Variants in FAM153A observed in about 807,000 individuals in gnomAD.
FAM153A encodes the protein protein FAM153A.
FAM153A carries 12 observed loss-of-function variants against 48.1 expected under a neutral mutation model. The observed-to-expected ratio is 0.25, with a 90% confidence interval of 0.16 to 0.40. The LOEUF (loss-of-function observed/expected upper bound fraction) is 0.40, where lower values mean the gene tolerates loss of function less well. FAM153A is among the 10% of genes least tolerant of loss of function. The probability of loss-of-function intolerance (pLI) is 1.00; values close to 1 mark genes in which losing one functional copy is unlikely to be tolerated. For missense variants in FAM153A, 111 were observed against 345.8 expected (o/e 0.32, Z 5.38); for synonymous variants, 36 against 118.2 (o/e 0.30, Z 4.51).
upstream of FAM153A, among the ~76,000 whole-genome samples, chr5:177,754,903 A>C (rs1223613927): frequency 6.6e-6 from 1 of 151,832 alleles, no homozygotes; most frequent in African/African-American, 2.4e-5. Context: ...AGAGCAGAAA[A>C]ACTCAAAATT....
At position 177,750,168 on chromosome 5, in the gene FAM153A, T is replaced by G. The variant is rs1337545956; in HGVS notation, c.175+741A>C. The G allele has an allele frequency of 2.0e-5, 3 of 151,866 alleles. 1 individual carries two copies. Among genetic ancestry groups the G allele is most frequent in the African/African-American group, 7.3e-5 (3 of 41,044 alleles). 9.4% of individuals were successfully genotyped at this position (151,866 alleles called of 1,614,324 possible). A position where few individuals can be genotyped will look rare whatever the true frequency, so the allele number is the denominator to read the frequency against. On this transcript the variant is annotated intron_variant, in intron 2 of 20. Coordinates refer to ENST00000614127, the Ensembl canonical transcript of FAM153A. ...TAGCTACATACTCTATGATTCCAAC[T>G]CTATAAAATTCTGGAAAAGGAAACC...
rs1358196600 is a variant in FAM153A at position 177,725,972 on chromosome 5, CTG to C, written c.965-1153_965-1152del. On this transcript the variant is annotated intron_variant, in intron 18 of 20. Transcript: ENST00000614127. ...ATTGGGTGAGGAGTGGAGGCCAAAA[CTG>C]TGCTCAATCATGTGTTCTGCCCTCA... 4.0e-5 allele frequency among the ~76,000 whole-genome samples: 6 copies of C among 150,422 alleles called. No individual in the cohort carries two copies. In the East Asian group the frequency reaches 5.9e-4, roughly 15 times the overall value.
intron 4 of FAM153A, among the ~76,000 whole-genome samples, chr5:177,746,404 C>CCAGG (rs1414131368): frequency 2.0e-5 from 3 of 147,170 alleles, no homozygotes; most frequent in African/African-American, 7.7e-5. Context: ...GGTAATCCAC[C>CCAGG]CTCCTTGGCC....
intron 16 of FAM153A, 146 bp from the exon 19 acceptor site, chr5:177,729,701 G>A: frequency 3.4e-6 from 5 of 1,469,212 alleles, no homozygotes; most frequent in South Asian, 2.6e-5. Flanking sequence ...CTCCGTGGTG[G>A]AGAGGGAAGG....
chr5:177,743,612 G>C (rs1460433487), intron 6 of FAM153A, among the ~76,000 whole-genome samples: 1 of 100,748 alleles, frequency 9.9e-6, no homozygotes, highest in Non-Finnish European at 2.0e-5. Flanking sequence ...AGCAGAACTC[G>C]CTGTAGCATG....
chr5:177,741,424 G>A lies in FAM153A; in HGVS notation c.365-92C>T. Reference sequence around the variant, plus strand: ...TGCTAAAAACACGGGGCTGGCACATGTAGACAAGGGGGGTTAACTACAAAA... The same window carrying A: ...TGCTAAAAACACGGGGCTGGCACATATAGACAAGGGGGGTTAACTACAAAA... On this transcript the variant is annotated intron_variant, in intron 6 of 20. Transcript: ENST00000614127. The A allele has an allele frequency of 3.6e-6, 3 of 828,066 alleles. 1 individual carries two copies. Among genetic ancestry groups the A allele is most frequent in the Non-Finnish European group, 4.9e-6 (3 of 608,078 alleles). The allele number at this position is 828,066 out of a possible 1,614,324, so 51.3% of individuals were successfully genotyped here. A position where few individuals can be genotyped will look rare whatever the true frequency, so the allele number is the denominator to read the frequency against.
rs749600611 is a variant in FAM153A, at chr5:177,753,192, A to G, written c.15T>C (p.Tyr5=). The G allele has an allele frequency of 1.6e-5, 26 of 1,611,760 alleles. No homozygotes were observed. The Admixed American group carries it at 3.5e-4, about 22-fold the overall frequency. Residue 5 remains tyrosine, a synonymous_variant, in exon 1 of 21, where the codon TAT becomes TAC. Transcript: ENST00000614127. ...CATACATACCTTCAAGGCAACAACTATAAACACATCCCATTGTGAGTCCTC... is the reference window on the plus strand; with the variant it reads ...CATACATACCTTCAAGGCAACAACTGTAAACACATCCCATTGTGAGTCCTC...
chr5:177,781,757 C>G (rs62399976), upstream of FAM153A: 14 of 95,216 alleles, frequency 1.5e-4, 5 homozygotes, highest in Non-Finnish European at 2.2e-4. Context: ...CTCGCTCTGT[C>G]GCCCAGGCTG....
chr5:177,712,732 C>G (rs1374974904), exon 27 of FAM153A: 1 of 151,570 alleles, frequency 6.6e-6, no homozygotes, highest in Non-Finnish European at 1.5e-5. Flanking sequence ...ATAACACTAC[C>G]CCCTCTCCAG....
chr5:177,704,575 T>C (rs1366491200), downstream of FAM153A, among the ~76,000 whole-genome samples: 1 of 149,942 alleles, frequency 6.7e-6, no homozygotes. Context: ...TGGAGGCGGT[T>C]TCTCTGTTTG....
chr5:177,715,881 G>A (rs1759650468), intron 25 of FAM153A, among the ~76,000 whole-genome samples: 1 of 151,434 alleles, frequency 6.6e-6, no homozygotes, highest in South Asian at 2.1e-4. Context: ...TGCTATTGTT[G>A]CCTAGGCTGG....
chr5:177,754,904 A>T (rs1357547083), upstream of FAM153A, among the ~76,000 whole-genome samples: 1 of 151,702 alleles, frequency 6.6e-6, no homozygotes, highest in Non-Finnish European at 1.5e-5. Flanking sequence ...GAGCAGAAAA[A>T]CTCAAAATTC....
chr5:177,737,117 G>A lies in FAM153A; in HGVS notation c.563-5C>T. 1 of 1,553,400 alleles carries A rather than the reference G, an allele frequency of 6.4e-7. No individual in the cohort carries two copies. Among genetic ancestry groups the A allele is most frequent in the Non-Finnish European group, 8.7e-7 (1 of 1,148,698 alleles). On this transcript the variant is annotated splice_region_variant and splice_polypyrimidine_tract_variant and intron_variant, in intron 10 of 20. Coordinates refer to ENST00000614127, the Ensembl canonical transcript of FAM153A. ...CCTCCAGGTCTTCCAGGTCACCTAG[G>A]AAACAGAGTCGCTATAAGCACATGA...
chr5:177,738,749 T>C (rs532360952), intron 10 of FAM153A, among the ~76,000 whole-genome samples: 3 of 151,506 alleles, frequency 2.0e-5, no homozygotes, highest in Admixed American at 6.6e-5. Flanking sequence ...TGTGCAGTGG[T>C]AATGGAATTT....
At chr5:177,700,972 A>C in the FAM153A span, among the ~76,000 whole-genome samples, 1 of 152,038 alleles carries the variant, frequency 6.6e-6, no homozygotes, top group East Asian at 1.9e-4. Context: ...CCAGTGTTGG[A>C]AGTGGGGCCT....
intron 12 of FAM153A, among the ~76,000 whole-genome samples, chr5:177,736,150 CTT>C (rs1764627275): frequency 1.5e-5 from 1 of 66,048 alleles, no homozygotes; most frequent in Non-Finnish European, 2.8e-5. Flanking sequence ...GGATATTAAA[CTT>C]ATCTTCAGGT....
chr5:177,700,911 TA>T, the FAM153A span, among the ~76,000 whole-genome samples: 2,114 of 152,010 alleles, frequency 0.014, 102 homozygotes, highest in African/African-American at 0.049. Context: ...ACAATTCTGA[TA>T]ATGATTTGGA....
rs1171505583 is a variant in FAM153A at position 177,727,718 on chromosome 5, C to A, written c.964+1305G>T. Among the ~76,000 whole-genome samples the A allele has an allele frequency of 3.3e-5, 2 of 60,456 alleles. 1 individual carries two copies. The allele number at this position is 60,456 out of a possible 152,430, so 39.7% of individuals were successfully genotyped here. The stretch of plus-strand genomic sequence containing the variant: ...CATCACACAGGAGAGTTGCAAGGAC[C>A]ACCTGGACTCTGGAGCAGCCCCACT... On this transcript the variant is annotated intron_variant, in intron 18 of 20. Transcript: ENST00000614127.
At chr5:177,754,179 A>G (rs1437961677), upstream of FAM153A, among the ~76,000 whole-genome samples, 1 of 152,000 alleles carries the variant, frequency 6.6e-6, no homozygotes, top group Non-Finnish European at 1.5e-5. Context: ...ACGGCACACC[A>G]GGAGATTATA....
Sources: gnomAD v4.1 joint callset for allele counts (sites outside exome capture counted in the v4.1 genomes callset) on GRCh38, gnomAD v4.1.1 for gene constraint, MANE v1.5 for transcripts, NCBI Gene and HGNC (gene_info 2026-07-23, HGNC 2026-07-21) for gene names.